The following ZAP70 variants were observed in gnomAD, a reference collection of about 807,000 sequenced individuals.
ZAP70 encodes the protein zeta chain of T cell receptor associated protein kinase 70, also known as tyrosine-protein kinase ZAP-70.
A neutral mutation model predicts 65.8 loss-of-function variants in ZAP70; 27 were observed. The ratio of observed to expected loss-of-function variants is 0.41; its 90% CI spans 0.30 to 0.57. The LOEUF (loss-of-function observed/expected upper bound fraction) is 0.57, where lower values mean the gene tolerates loss of function less well. Ranked by LOEUF, ZAP70 falls within the 20% of genes least tolerant of loss-of-function variation. ZAP70 has a pLI of 0.28. For missense variants in ZAP70, 696 were observed against 870.5 expected (o/e 0.80, Z 2.52); for synonymous variants, 363 against 360.8 (o/e 1.01, Z -0.07).
chr2:97,753,071 A>C, the ZAP70 span, among the ~76,000 whole-genome samples: 5 of 152,364 alleles, frequency 3.3e-5, no homozygotes, highest in Admixed American at 3.3e-4. Flanking sequence ...ATAATTCAAA[A>C]TCAAAGCTGT....
chr2:97,733,423 G>A (rs750348430), intron 7 of ZAP70, 80 bp downstream of exon 7: 5 of 1,596,158 alleles, frequency 3.1e-6, no homozygotes, highest in Admixed American at 3.5e-5. Context: ...TGGAGGCTGG[G>A]GTGCCTGTGG....
At chr2:97,726,774 AC>A (rs2104669812) in intron 4 of ZAP70, among the ~76,000 whole-genome samples, 1 of 152,374 alleles carries the variant, frequency 6.6e-6, no homozygotes, top group South Asian at 2.1e-4. Flanking sequence ...TACATGTTGC[AC>A]GTAATACTCA....
At position 97,737,690 on chromosome 2, in the gene ZAP70, C is replaced by T. The variant is rs55706605; in HGVS notation, c.1482+25C>T. The T allele has an allele frequency of 3.9e-5, 63 of 1,613,904 alleles. No individual in the cohort carries two copies. In the African/African-American group the frequency reaches 4.0e-4, roughly 10 times the overall value. ...TGTAAGCCTCTGCCCCTGTGATGCC[C>T]GACTGGATGGGCTGGGTGGGTAGAG... On this transcript the variant is annotated intron_variant, in intron 11 of 13. Coordinates refer to ENST00000264972, the MANE Select transcript of ZAP70 (RefSeq NM_001079.4). This position sits in a 1 kb window ranked among gnomAD's most constrained non-coding sequence, Gnocchi z 5.0.
intron 2 of ZAP70, among the ~76,000 whole-genome samples, chr2:97,720,676 CT>C (rs773053484): frequency 2.0e-5 from 3 of 152,186 alleles, no homozygotes; most frequent in Non-Finnish European, 4.4e-5. Context: ...TAAAAACACT[CT>C]TGTGGAATGG....
In ZAP70 at chr2:97,715,948, C is replaced by T. The variant is rs759193892; in HGVS notation, c.-22+1954C>T. On this transcript the variant is annotated intron_variant, in intron 2 of 13. Transcript: ENST00000264972. This position sits in a 1 kb window ranked among gnomAD's most constrained non-coding sequence, Gnocchi z 4.1. ...CAAGACAGAGCCGTGGGCCCTGCCT[C>T]GGGGAGCTCAGCCTGGTGAGGGACT... Among the ~76,000 whole-genome samples, 9 of 152,032 alleles carry T rather than the reference C, an allele frequency of 5.9e-5. No individual in the cohort carries two copies. Among genetic ancestry groups the T allele is most frequent in the Admixed American group, 4.6e-4 (7 of 15,266 alleles).
At chr2:97,722,171 C>T (rs935260774) in intron 2 of ZAP70, among the ~76,000 whole-genome samples, 7 of 152,110 alleles carry the variant, frequency 4.6e-5, no homozygotes, top group African/African-American at 1.7e-4. Context: ...ATCTCCGCCT[C>T]TTGGGTTCAC....
chr2:97,724,961 A>G, intron 3 of ZAP70, 131 bp from the exon 4 acceptor site: 1 of 1,538,212 alleles, frequency 6.5e-7, no homozygotes, highest in South Asian at 1.2e-5. Flanking sequence ...GTAGTCCTCG[A>G]AAACCTGCCT....
intron 8 of ZAP70, 37 bp from the exon 9 acceptor site, chr2:97,734,483 G>A (rs1559326944): frequency 6.3e-7 from 1 of 1,595,804 alleles, no homozygotes. Flanking sequence ...CCACACCCCT[G>A]CCCCTGACCT....
chr2:97,737,410 G>A lies in ZAP70; in HGVS notation c.1290-63G>A. ...ATGCCCAGCTGGGTCAGAGAAGCAT[G>A]CTTTGCCCCTGGGAACTTGGCTAGT... is the stretch of plus-strand genomic sequence containing the variant. On this transcript the variant is annotated intron_variant, in intron 10 of 13. Transcript: ENST00000264972. This position sits in a 1 kb window ranked among gnomAD's most constrained non-coding sequence, Gnocchi z 5.0. 1.3e-6 allele frequency: 2 copies of A among 1,577,938 alleles called. No homozygotes were observed. Among genetic ancestry groups the A allele is most frequent in the Non-Finnish European group, 8.7e-7 (1 of 1,148,012 alleles).
At chr2:97,716,270 C>T (rs562198913) in intron 2 of ZAP70, among the ~76,000 whole-genome samples, 6 of 152,252 alleles carry the variant, frequency 3.9e-5, no homozygotes, top group Admixed American at 2.0e-4. Flanking sequence ...CAGGTTCCAC[C>T]GGTGCTCAGA....
In ZAP70 at chr2:97,731,922, C is replaced by T. The variant is rs1471372285; in HGVS notation, c.564-961C>T. 6.6e-6 allele frequency among the ~76,000 whole-genome samples: 1 copy of T among 152,186 alleles called. No individual in the cohort carries two copies. Among genetic ancestry groups the T allele is most frequent in the Non-Finnish European group, 1.5e-5 (1 of 68,044 alleles). The stretch of plus-strand genomic sequence containing the variant: ...CACGGGGCCAGCTGCCCTCCCTCCT[C>T]ACTGTAAAGCTACACTTGACCCTGC... On this transcript the variant is annotated intron_variant, in intron 4 of 13. Coordinates refer to ENST00000264972, the MANE Select transcript of ZAP70 (RefSeq NM_001079.4). This position sits in a 1 kb window ranked among gnomAD's most constrained non-coding sequence, Gnocchi z 4.0.
At chr2:97,722,571 C>T (rs1314800344) in intron 2 of ZAP70, among the ~76,000 whole-genome samples, 1 of 152,142 alleles carries the variant, frequency 6.6e-6, no homozygotes, top group Non-Finnish European at 1.5e-5. Context: ...GTGAATCAAC[C>T]ATGTCTATTA....
intron 8 of ZAP70, 72 bp from the exon 9 acceptor site, chr2:97,734,448 G>T: frequency 2.6e-6 from 4 of 1,520,646 alleles, no homozygotes; most frequent in Non-Finnish European, 3.5e-6. Flanking sequence ...GCAGGTGCTT[G>T]TGGGGGCTGA....
At chr2:97,721,347 C>T (rs1677145573) in intron 2 of ZAP70, among the ~76,000 whole-genome samples, 1 of 152,170 alleles carries the variant, frequency 6.6e-6, no homozygotes, top group African/African-American at 2.4e-5. Flanking sequence ...ATATGAATCA[C>T]TCGATACACA....
At chr2:97,733,851 A>G (rs1677727562) in intron 8 of ZAP70, 1 of 587,380 alleles carries the variant, frequency 1.7e-6, no homozygotes. Context: ...TTTGTTGAGT[A>G]CCTACTATGT....
intron 2 of ZAP70, among the ~76,000 whole-genome samples, chr2:97,719,553 TGGGG>T (rs148330791): frequency 1.1e-5 from 1 of 89,134 alleles, no homozygotes; most frequent in East Asian, 3.2e-4. Context: ...GAGAACAGCC[TGGGG>T]GGGGGGCGCA....
In ZAP70 at chr2:97,739,620, G is replaced by A; in HGVS notation, c.*122G>A. 1 of 1,420,568 alleles carries A rather than the reference G, an allele frequency of 7.0e-7. No individual in the cohort carries two copies. Among genetic ancestry groups the A allele is most frequent in the Non-Finnish European group, 9.5e-7 (1 of 1,054,588 alleles). The allele number at this position is 1,420,568 out of a possible 1,614,324, so 88.0% of individuals were successfully genotyped here. A position where few individuals can be genotyped will look rare whatever the true frequency, so the allele number is the denominator to read the frequency against. On this transcript the variant is annotated 3_prime_UTR_variant, in exon 14 of 14. Transcript: ENST00000264972. ...CCACACACAGCTGGGCTGTGGTAGG[G>A]GGTGTCTCAGGCCACACCGGCCTTG...
chr2:97,737,528 A>C lies in ZAP70; in HGVS notation c.1345A>C (p.Met449Leu). 6.2e-7 allele frequency: 1 copy of C among 1,614,024 alleles called. No individual in the cohort carries two copies. The highest frequency in any genetic ancestry group is 8.5e-7 in the Non-Finnish European group (1 of 1,179,958). Reference sequence around the variant, plus strand: ...GCTGCTGCACCAGGTGTCCATGGGGATGAAGTACCTGGAGGAGAAGAACTT... The same window carrying C: ...GCTGCTGCACCAGGTGTCCATGGGGCTGAAGTACCTGGAGGAGAAGAACTT... ...AELLHQVSMG[M>L]KYLEEKNFVH... The change falls in exon 11 of 14, where the codon ATG becomes CTG. Residue 449 changes from methionine to leucine, a missense_variant. Coordinates refer to ENST00000264972, the MANE Select transcript of ZAP70 (RefSeq NM_001079.4). This position sits in a 1 kb window ranked among gnomAD's most constrained non-coding sequence, Gnocchi z 5.0.
At chr2:97,749,200 G>A in the ZAP70 span, among the ~76,000 whole-genome samples, 29 of 151,976 alleles carry the variant, frequency 1.9e-4, no homozygotes, top group African/African-American at 5.3e-4. Context: ...TAGTAGAGAC[G>A]GGGTTTCACC....
Sources: gnomAD v4.1 joint callset for allele counts (sites outside exome capture counted in the v4.1 genomes callset) on GRCh38, gnomAD v4.1.1 for gene constraint, Gnocchi (gnomAD v3.1) non-coding constraint, MANE v1.5 for transcripts, NCBI Gene and HGNC (gene_info 2026-07-23, HGNC 2026-07-21) for gene names.